The following PRDM5 variants were observed in gnomAD, a reference collection of about 807,000 sequenced individuals.
PRDM5 encodes PR/SET domain 5.
In PRDM5, 56 loss-of-function variants were observed where a neutral mutation model predicts 81.2. The ratio of observed to expected loss-of-function variants is 0.69; its 90% CI spans 0.56 to 0.86. PRDM5 has a LOEUF of 0.86. Ranked by LOEUF, PRDM5 falls within the 40% of genes least tolerant of loss-of-function variation. The pLI, the probability that PRDM5 is intolerant of heterozygous loss-of-function variation, is 0.00. For synonymous variants in PRDM5, 267 were observed against 256.4 expected (o/e 1.04, Z -0.39); for missense variants, 697 against 770.1 (o/e 0.91, Z 1.12).
At chr4:120,913,062 A>G (rs1766699326) in intron 1 of PRDM5, among the ~76,000 whole-genome samples, 1 of 152,224 alleles carries the variant, frequency 6.6e-6, no homozygotes, top group African/African-American at 2.4e-5. Flanking sequence ...TTGCCTCCCT[A>G]TATCCATTCC....
At chr4:120,772,695 T>C (rs1747471453) in intron 13 of PRDM5, among the ~76,000 whole-genome samples, 1 of 152,354 alleles carries the variant, frequency 6.6e-6, no homozygotes, top group East Asian at 1.9e-4. Context: ...GAATTGCTTT[T>C]CCCTAGGTAT....
intron 14 of PRDM5, among the ~76,000 whole-genome samples, chr4:120,739,270 T>C (rs1741556068): frequency 6.6e-6 from 1 of 152,160 alleles, no homozygotes; most frequent in South Asian, 2.1e-4. Flanking sequence ...CCAGCTTAGA[T>C]TCAAGGAAAG....
At chr4:120,846,589 T>C (rs1758675690) in intron 3 of PRDM5, among the ~76,000 whole-genome samples, 1 of 152,192 alleles carries the variant, frequency 6.6e-6, no homozygotes, top group South Asian at 2.1e-4. Flanking sequence ...ACATGCACTG[T>C]GAAACCAAAG....
At chr4:120,781,423 C>G in intron 11 of PRDM5, 120 bp from the exon 12 acceptor site, 2 of 890,506 alleles carry the variant, frequency 2.2e-6, no homozygotes, top group South Asian at 2.9e-5. Context: ...AGAATGTTAA[C>G]TTTTTATTTT....
intron 3 of PRDM5, among the ~76,000 whole-genome samples, chr4:120,839,567 G>A (rs2149388541): frequency 6.6e-6 from 1 of 152,290 alleles, no homozygotes; most frequent in African/African-American, 2.4e-5. Context: ...TCGGAGGGGA[G>A]GAAGTGTGCA....
chr4:120,802,365 G>A (rs1379676022), intron 8 of PRDM5, among the ~76,000 whole-genome samples: 1 of 152,160 alleles, frequency 6.6e-6, no homozygotes, highest in East Asian at 1.9e-4. Context: ...TCCAACTGAG[G>A]TACCGGGTTC....
At chr4:120,792,911 G>C (rs1299682216) in intron 10 of PRDM5, among the ~76,000 whole-genome samples, 1 of 152,094 alleles carries the variant, frequency 6.6e-6, no homozygotes, top group Non-Finnish European at 1.5e-5. Flanking sequence ...TAGGGGTAGA[G>C]GTAAAGGGGC....
intron 2 of PRDM5, among the ~76,000 whole-genome samples, chr4:120,897,614 A>G (rs1764789816): frequency 6.6e-6 from 1 of 152,206 alleles, no homozygotes; most frequent in Non-Finnish European, 1.5e-5. Flanking sequence ...GATGTATTAG[A>G]TATTTTCACT....
chr4:120,777,294 G>T lies in PRDM5; in HGVS notation c.1444-13C>A. 1 of 1,612,900 alleles carries T rather than the reference G, an allele frequency of 6.2e-7. No homozygotes were observed. The highest frequency in any genetic ancestry group is 8.5e-7 in the Non-Finnish European group (1 of 1,179,270). ...CTCCTGTATGTGTCTAAAAGGAAAG[G>T]GATAAAAAGGCTAAGGATAAATACA... On this transcript the variant is annotated splice_polypyrimidine_tract_variant and intron_variant, in intron 12 of 15. Coordinates refer to ENST00000264808, the MANE Select transcript of PRDM5 (RefSeq NM_018699.4).
intron 14 of PRDM5, among the ~76,000 whole-genome samples, chr4:120,744,973 A>T (rs1347504261): frequency 6.8e-6 from 1 of 146,010 alleles, no homozygotes; most frequent in East Asian, 2.0e-4. Flanking sequence ...GCAGAGACAC[A>T]ACCAAAAAAG....
chr4:120,811,947 T>G (rs1461517000), intron 7 of PRDM5, among the ~76,000 whole-genome samples: 1 of 152,174 alleles, frequency 6.6e-6, no homozygotes, highest in Non-Finnish European at 1.5e-5. Context: ...CACCCTGTTG[T>G]GCTATCAAAT....
At chr4:120,879,857 G>A (rs1230070364) in intron 2 of PRDM5, among the ~76,000 whole-genome samples, 4 of 152,004 alleles carry the variant, frequency 2.6e-5, no homozygotes, top group East Asian at 1.9e-4. Context: ...AATGACTGCT[G>A]GGCACTGGGG....
intron 2 of PRDM5, among the ~76,000 whole-genome samples, chr4:120,876,659 A>G (rs566468229): frequency 1.3e-5 from 2 of 152,314 alleles, no homozygotes; most frequent in East Asian, 1.9e-4. Flanking sequence ...TGAATCCCAC[A>G]TCAGATATAT....
At chr4:120,886,362 C>A (rs567268096) in intron 2 of PRDM5, among the ~76,000 whole-genome samples, 2 of 152,258 alleles carry the variant, frequency 1.3e-5, no homozygotes, top group East Asian at 3.9e-4. Context: ...CATTGGAAAC[C>A]TGGTACTGAA....
At chr4:120,865,774 T>C (rs947579554) in intron 2 of PRDM5, among the ~76,000 whole-genome samples, 1 of 152,130 alleles carries the variant, frequency 6.6e-6, no homozygotes, top group African/African-American at 2.4e-5. Flanking sequence ...TCTCCGGGGT[T>C]CTCATCTACT....
Position 120,754,559 on chromosome 4 carries a change from G to A in PRDM5, c.1617C>T (p.His539=), listed in dbSNP as rs533857757. 2 of 1,563,476 alleles carry A rather than the reference G, an allele frequency of 1.3e-6. No individual in the cohort carries two copies. The highest frequency in any genetic ancestry group is 2.2e-5 in the East Asian group (1 of 44,640). ...AAACAGAATATAATCTTACCCTGGTGTGAGTACGAATGTGCATCTTCAGTC... is the reference window on the plus strand; with the variant it reads ...AAACAGAATATAATCTTACCCTGGTATGAGTACGAATGTGCATCTTCAGTC... ...NDGLKMHIRT[H]TREKPYKCSE... The change falls in exon 14 of 16, where the codon CAC becomes CAT. Residue 539 remains histidine (H), a synonymous_variant. Transcript: ENST00000264808.
chr4:120,806,382 C>T (rs1043547669), intron 8 of PRDM5, among the ~76,000 whole-genome samples: 2 of 152,192 alleles, frequency 1.3e-5, no homozygotes, highest in Non-Finnish European at 2.9e-5. Flanking sequence ...ACAAAGCCCA[C>T]ATTGCCAAGA....
At chr4:120,760,816 G>T (rs954308422) in intron 13 of PRDM5, among the ~76,000 whole-genome samples, 7 of 151,796 alleles carry the variant, frequency 4.6e-5, no homozygotes, top group African/African-American at 1.5e-4. Context: ...GTTGCAAATA[G>T]TTTCACAAAA....
chr4:120,797,259 T>C (rs893369353), intron 10 of PRDM5, among the ~76,000 whole-genome samples: 2 of 152,204 alleles, frequency 1.3e-5, no homozygotes, highest in South Asian at 4.1e-4. Flanking sequence ...GAGGTCATGA[T>C]GTAGAGAACT....
Sources: allele counts gnomAD v4.1 joint callset (sites outside exome capture counted in the v4.1 genomes callset), GRCh38; gene constraint gnomAD v4.1.1; transcripts MANE v1.5; gene names NCBI Gene and HGNC (gene_info 2026-07-23, HGNC 2026-07-21).